The following ARK2N variants were observed in gnomAD, a reference collection of about 807,000 sequenced individuals.
The protein encoded by ARK2N is protein ARK2N.
At chr18:46,184,454 G>GCTCA in the ARK2N span, among the ~76,000 whole-genome samples, 2 of 152,052 alleles carry the variant, frequency 1.3e-5, no homozygotes, top group East Asian at 3.9e-4. Flanking sequence ...AGGTGTTGTG[G>GCTCA]CTCACACTTG....
At chr18:46,209,193 T>C in the ARK2N span, among the ~76,000 whole-genome samples, 1 of 152,184 alleles carries the variant, frequency 6.6e-6, no homozygotes, top group African/African-American at 2.4e-5. Context: ...AGTTTGGAAA[T>C]TGAGCATTGT....
At chr18:46,200,966 C>A in the ARK2N span, among the ~76,000 whole-genome samples, 46 of 143,678 alleles carry the variant, frequency 3.2e-4, no homozygotes, top group African/African-American at 1.0e-3. Flanking sequence ...TTGATTACAT[C>A]ATTTTCTTTT....
At chr18:46,240,616 C>T in the ARK2N span, among the ~76,000 whole-genome samples, 1 of 152,316 alleles carries the variant, frequency 6.6e-6, no homozygotes, top group Admixed American at 6.5e-5. Context: ...AGCGCTGCCG[C>T]TGTTTCTTGT....
At chr18:46,198,024 A>G in the ARK2N span, among the ~76,000 whole-genome samples, 3 of 152,092 alleles carry the variant, frequency 2.0e-5, no homozygotes, top group Admixed American at 6.6e-5. Flanking sequence ...ATTGTGGGCC[A>G]GGTGTGGTGG....
the ARK2N span, among the ~76,000 whole-genome samples, chr18:46,230,535 A>G: frequency 1.9e-4 from 29 of 152,238 alleles, no homozygotes; most frequent in African/African-American, 7.0e-4. Context: ...CTTTCAACCT[A>G]CAACACTAAT....
At chr18:46,235,388 TGGTGTACAGCA>T in the ARK2N span, among the ~76,000 whole-genome samples, 1 of 152,166 alleles carries the variant, frequency 6.6e-6, no homozygotes, top group South Asian at 2.1e-4. Flanking sequence ...TGCATGCCAG[TGGTGTACAGCA>T]GAGTATACAT....
chr18:46,209,223 A>G, the ARK2N span, among the ~76,000 whole-genome samples: 1 of 151,798 alleles, frequency 6.6e-6, no homozygotes, highest in South Asian at 2.1e-4. Flanking sequence ...TGACTATATG[A>G]ATTATTGTAC....
chr18:46,250,820 C>A, the ARK2N span, among the ~76,000 whole-genome samples: 34 of 152,190 alleles, frequency 2.2e-4, 1 homozygote, highest in Middle Eastern at 6.8e-3. Flanking sequence ...ACTGTTACCC[C>A]CAAATCTCAC....
At chr18:46,244,754 A>G in the ARK2N span, among the ~76,000 whole-genome samples, 1 of 151,810 alleles carries the variant, frequency 6.6e-6, no homozygotes, top group African/African-American at 2.4e-5. Context: ...GGTGTGTGCC[A>G]CTGCGCCTGG....
At chr18:46,206,919 G>C in the ARK2N span, among the ~76,000 whole-genome samples, 3 of 152,072 alleles carry the variant, frequency 2.0e-5, no homozygotes, top group Non-Finnish European at 4.4e-5. Context: ...TGGGCTGCAG[G>C]CATGCACCAC....
chr18:46,178,369 A>G, the ARK2N span, among the ~76,000 whole-genome samples: 1 of 152,092 alleles, frequency 6.6e-6, no homozygotes, highest in Admixed American at 6.6e-5. Flanking sequence ...CTGGAGTGCA[A>G]TGGCACAATC....
the ARK2N span, among the ~76,000 whole-genome samples, chr18:46,188,869 A>G: frequency 2.0e-5 from 3 of 152,112 alleles, no homozygotes; most frequent in Admixed American, 1.3e-4. Context: ...TAATGAGGGC[A>G]AATGATGCTG....
At chr18:46,253,751 C>T in the ARK2N span, 3 of 1,613,400 alleles carry the variant, frequency 1.9e-6, no homozygotes, top group Non-Finnish European at 1.7e-6. Context: ...GGCAATGCGC[C>T]ACTCAATGAA....
chr18:46,193,365 C>T, the ARK2N span, among the ~76,000 whole-genome samples: 277 of 151,986 alleles, frequency 1.8e-3, 7 homozygotes, highest in East Asian at 0.044. Context: ...TCTCGGCTCA[C>T]GGCAACCTCC....
the ARK2N span, among the ~76,000 whole-genome samples, chr18:46,200,816 AGTT>A: frequency 5.9e-5 from 9 of 152,084 alleles, no homozygotes; most frequent in Admixed American, 5.9e-4. Context: ...CTAATGCAGC[AGTT>A]ATTTGAGAAT....
chr18:46,193,615 TAATGACAGAGTC>T, the ARK2N span, among the ~76,000 whole-genome samples: 1 of 140,792 alleles, frequency 7.1e-6, no homozygotes. Context: ...TTTTTTTTTT[TAATGACAGAGTC>T]TTGCTCTGTC....
the ARK2N span, among the ~76,000 whole-genome samples, chr18:46,223,969 A>T: frequency 6.6e-6 from 1 of 152,224 alleles, no homozygotes; most frequent in African/African-American, 2.4e-5. Context: ...TAGAATGAAG[A>T]GTTCAATATA....
the ARK2N span, chr18:46,265,763 T>G: frequency 6.5e-6 from 1 of 152,788 alleles, no homozygotes; most frequent in East Asian, 1.9e-4. Flanking sequence ...ACAGCTCCTG[T>G]GACATTTGAA....
chr18:46,236,841 G>A, the ARK2N span, among the ~76,000 whole-genome samples: 2 of 139,402 alleles, frequency 1.4e-5, no homozygotes, highest in African/African-American at 2.6e-5. Context: ...TTTTTTTTTT[G>A]TTGTTGTTGT....
Sources: allele counts gnomAD v4.1 joint callset (sites outside exome capture counted in the v4.1 genomes callset), GRCh38; gene constraint gnomAD v4.1.1; transcripts MANE v1.5; gene names NCBI Gene and HGNC (gene_info 2026-07-23, HGNC 2026-07-21).